The following SORCS1 variants were observed in gnomAD, a reference collection of about 807,000 sequenced individuals.
SORCS1 encodes VPS10 domain-containing receptor SorCS1.
In SORCS1, 60 loss-of-function variants were observed where a neutral mutation model predicts 146.1. That is an observed-to-expected ratio of 0.41 (90% CI 0.33 to 0.51). The LOEUF is 0.51. Ranked by LOEUF, SORCS1 falls within the 20% of genes least tolerant of loss-of-function variation. SORCS1 has a pLI of 0.21. For missense variants in SORCS1, 1,352 were observed against 1,487.6 expected, an observed-to-expected ratio of 0.91 and a Z score of 1.50; for synonymous variants, 637 against 584.0, an observed-to-expected ratio of 1.09 and a Z score of -1.31.
intron 3 of SORCS1, among the ~76,000 whole-genome samples, chr10:106,818,594 G>C (rs1947859787): frequency 6.6e-6 from 1 of 152,098 alleles, no homozygotes; most frequent in South Asian, 2.1e-4. Context: ...TCGATCTCTT[G>C]ACCTGGTGAT....
chr10:106,672,760 G>C (rs1176898685), intron 15 of SORCS1, 108 bp downstream of exon 15: 1 of 807,852 alleles, frequency 1.2e-6, no homozygotes, highest in Non-Finnish European at 2.1e-6. Context: ...ACAGTAGATG[G>C]ACATTTTGGC....
At chr10:107,140,844 A>C (rs1967764403) in intron 1 of SORCS1, among the ~76,000 whole-genome samples, 1 of 152,200 alleles carries the variant, frequency 6.6e-6, no homozygotes, top group African/African-American at 2.4e-5. Flanking sequence ...TCACAATATT[A>C]GTTTCATTTT....
At chr10:107,071,591 G>A (rs183214265) in intron 1 of SORCS1, among the ~76,000 whole-genome samples, 6 of 152,244 alleles carry the variant, frequency 3.9e-5, no homozygotes, top group Non-Finnish European at 7.4e-5. Context: ...GTCACTGGGC[G>A]CACCACATCC....
intron 2 of SORCS1, among the ~76,000 whole-genome samples, chr10:106,863,535 A>G (rs1175635430): frequency 6.6e-6 from 1 of 152,016 alleles, no homozygotes; most frequent in Non-Finnish European, 1.5e-5. Flanking sequence ...AAAAAAAAAA[A>G]AAAAAGTGCT....
At chr10:107,038,696 C>CGGGG (rs58516423) in intron 1 of SORCS1, among the ~76,000 whole-genome samples, 34 of 149,888 alleles carry the variant, frequency 2.3e-4, no homozygotes, top group African/African-American at 4.2e-4. Flanking sequence ...GGGCAGGGGG[C>CGGGG]GGGGGGGGAG....
At chr10:107,041,474 G>A (rs988470723) in intron 1 of SORCS1, among the ~76,000 whole-genome samples, 4 of 151,982 alleles carry the variant, frequency 2.6e-5, no homozygotes, top group Non-Finnish European at 1.5e-5. Context: ...GATCCAAGGG[G>A]GCCTGAAGCT....
chr10:107,083,650 A>C (rs1963516753), intron 1 of SORCS1, among the ~76,000 whole-genome samples: 1 of 152,236 alleles, frequency 6.6e-6, no homozygotes, highest in Non-Finnish European at 1.5e-5. Flanking sequence ...GCACATTTTC[A>C]GAAGATTCTT....
intron 2 of SORCS1, among the ~76,000 whole-genome samples, chr10:106,945,302 G>A (rs1027163960): frequency 2.6e-5 from 4 of 152,182 alleles, no homozygotes; most frequent in African/African-American, 9.7e-5. Flanking sequence ...AAGAGACTTT[G>A]TGTTCCTAGA....
intron 2 of SORCS1, among the ~76,000 whole-genome samples, chr10:106,839,137 A>T (rs2137109276): frequency 6.6e-6 from 1 of 152,160 alleles, no homozygotes; most frequent in East Asian, 1.9e-4. Flanking sequence ...TGAAAGGGGG[A>T]GCTGCATTAA....
At chr10:106,596,188 T>C (rs1845894486) in intron 24 of SORCS1, among the ~76,000 whole-genome samples, 2 of 152,166 alleles carry the variant, frequency 1.3e-5, no homozygotes, top group Non-Finnish European at 2.9e-5. Context: ...TAAGCATTTA[T>C]GCAGTTTGCT....
intron 24 of SORCS1, among the ~76,000 whole-genome samples, chr10:106,588,894 G>GATTCCT (rs1845420414): frequency 7.9e-6 from 1 of 125,792 alleles, no homozygotes; most frequent in Non-Finnish European, 1.7e-5. Flanking sequence ...AAAAAAAGAA[G>GATTCCT]ATTCCTATTC....
At chr10:106,700,138 C>A (rs1026759204) in intron 8 of SORCS1, among the ~76,000 whole-genome samples, 1 of 152,162 alleles carries the variant, frequency 6.6e-6, no homozygotes, top group Non-Finnish European at 1.5e-5. Context: ...AAAAGATAGC[C>A]TGCATAACTG....
chr10:106,810,058 T>G lies in SORCS1; in HGVS notation c.726+19516A>C, dbSNP rs571511378. Among the ~76,000 whole-genome samples, 5 of 152,234 alleles carry G rather than the reference T, an allele frequency of 3.3e-5. No individual in the cohort carries two copies. The East Asian group carries it at 9.7e-4, about 29-fold the overall frequency. On this transcript the variant is annotated intron_variant, in intron 3 of 25. Transcript: ENST00000263054. ...CAACATGGCAAAAGCCCGTCTCTAC[T>G]ACAAATACAAAAATTAGCCAAGTGT...
Position 106,643,009 on chromosome 10 carries a change from G to A in SORCS1, c.2475+9373C>T, listed in dbSNP as rs116475578. 7.5e-3 allele frequency among the ~76,000 whole-genome samples: 1,135 copies of A among 152,250 alleles called. 13 individuals are homozygous for A. The highest frequency in any genetic ancestry group is 0.025 in the African/African-American group (1,037 of 41,542). On this transcript the variant is annotated intron_variant, in intron 18 of 25. Transcript: ENST00000263054. ...TTTGTGACTACTTATAATCCCAGCC[G>A]TGGGTTTCTACAGAGGCTTAGGAGC...
At chr10:106,709,779 G>T (rs1230272321) in intron 6 of SORCS1, among the ~76,000 whole-genome samples, 1 of 152,020 alleles carries the variant, frequency 6.6e-6, no homozygotes, top group African/African-American at 2.4e-5. Flanking sequence ...AAGCCTCACA[G>T]TCTTTGTTAA....
chr10:106,586,463 C>T (rs1845244616), intron 24 of SORCS1, among the ~76,000 whole-genome samples: 1 of 151,912 alleles, frequency 6.6e-6, no homozygotes, highest in Admixed American at 6.6e-5. Context: ...TTGCCTTCCC[C>T]TGGGATACTG....
At chr10:107,143,513 T>C (rs1196932792) in intron 1 of SORCS1, among the ~76,000 whole-genome samples, 2 of 152,040 alleles carry the variant, frequency 1.3e-5, no homozygotes, top group African/African-American at 4.8e-5. Flanking sequence ...TTCTTTTCTT[T>C]TTCTTTTTGA....
At chr10:106,822,199 A>C (rs1948071143) in intron 3 of SORCS1, among the ~76,000 whole-genome samples, 1 of 152,204 alleles carries the variant, frequency 6.6e-6, no homozygotes, top group Non-Finnish European at 1.5e-5. Context: ...ATTGTATTAA[A>C]ATTTAAGAGT....
chr10:107,091,049 GA>G (rs1307235680), intron 1 of SORCS1, among the ~76,000 whole-genome samples: 1 of 152,176 alleles, frequency 6.6e-6, no homozygotes, highest in East Asian at 1.9e-4. Flanking sequence ...GTGTCTAGAG[GA>G]AAAAGTAAAA....
Sources: gnomAD v4.1 joint callset for allele counts (sites outside exome capture counted in the v4.1 genomes callset) on GRCh38, gnomAD v4.1.1 for gene constraint, MANE v1.5 for transcripts, NCBI Gene and HGNC (gene_info 2026-07-23, HGNC 2026-07-21) for gene names.